The following SLC14A2 variants were observed in gnomAD, a reference collection of about 807,000 sequenced individuals.
SLC14A2 encodes the protein solute carrier family 14 member 2.
SLC14A2 carries 91 observed loss-of-function variants against 104.6 expected under a neutral mutation model. The observed-to-expected ratio is 0.87, with a 90% CI of 0.73 to 1.04. SLC14A2 has a LOEUF of 1.04. Ranked by LOEUF, SLC14A2 falls within the 50% of genes least tolerant of loss-of-function variation. The pLI is 0.00. For synonymous variants in SLC14A2, 476 were observed against 466.4 expected (o/e 1.02, Z -0.27); for missense variants, 1,189 against 1,156.0 (o/e 1.03, Z -0.41).
At chr18:45,420,613 T>C (rs1388331944) in intron 1 of SLC14A2, among the ~76,000 whole-genome samples, 1 of 152,208 alleles carries the variant, frequency 6.6e-6, no homozygotes, top group African/African-American at 2.4e-5. Flanking sequence ...ATTCCTTTAA[T>C]CTGATATAAT....
At chr18:45,232,312 A>G (rs747795742) in intron 1 of SLC14A2, among the ~76,000 whole-genome samples, 3 of 152,154 alleles carry the variant, frequency 2.0e-5, no homozygotes, top group Non-Finnish European at 2.9e-5. Context: ...GAGAAGTGCC[A>G]CACACTTTCA....
the SLC14A2 span, among the ~76,000 whole-genome samples, chr18:45,187,554 A>G: frequency 6.6e-6 from 1 of 152,112 alleles, no homozygotes; most frequent in Non-Finnish European, 1.5e-5. Flanking sequence ...TGAGAAGGAG[A>G]TAATCTTGGC....
chr18:45,200,713 C>T, the SLC14A2 span, among the ~76,000 whole-genome samples: 10 of 152,198 alleles, frequency 6.6e-5, no homozygotes, highest in East Asian at 1.9e-3. Context: ...TGTTTTCATG[C>T]ACTTAGGCTT....
chr18:45,552,015 T>C (rs1444963173), intron 2 of SLC14A2, among the ~76,000 whole-genome samples: 2 of 152,238 alleles, frequency 1.3e-5, no homozygotes, highest in Non-Finnish European at 2.9e-5. Context: ...TGAGATTTTC[T>C]TAACAAACCC....
the SLC14A2 span, among the ~76,000 whole-genome samples, chr18:45,171,363 G>A: frequency 6.6e-6 from 1 of 151,992 alleles, no homozygotes; most frequent in Non-Finnish European, 1.5e-5. Flanking sequence ...AAAAAGGAAG[G>A]TGTATAATGT....
chr18:45,482,781 T>A (rs77725763), intron 1 of SLC14A2, among the ~76,000 whole-genome samples: 11,415 of 152,150 alleles, frequency 0.075, 553 homozygotes, highest in East Asian at 0.21. Flanking sequence ...CAGCCCACAC[T>A]CAAATGGAGT....
chr18:45,554,476 A>T (rs2044102297), intron 2 of SLC14A2, among the ~76,000 whole-genome samples: 1 of 152,124 alleles, frequency 6.6e-6, no homozygotes, highest in African/African-American at 2.4e-5. Context: ...GCAGCCCCCA[A>T]ACATGGACTC....
intron 1 of SLC14A2, among the ~76,000 whole-genome samples, chr18:45,466,570 A>G (rs2087146617): frequency 6.8e-6 from 1 of 147,462 alleles, no homozygotes; most frequent in African/African-American, 2.5e-5. Flanking sequence ...TCCTAGATAG[A>G]TGGAATCACC....
chr18:45,585,879 T>C (rs573658032), intron 2 of SLC14A2, among the ~76,000 whole-genome samples: 5 of 152,320 alleles, frequency 3.3e-5, no homozygotes, highest in African/African-American at 1.2e-4. Context: ...CAGAACTGGT[T>C]ACACCCTATC....
At chr18:45,658,694 G>C (rs1194244359) in intron 10 of SLC14A2, among the ~76,000 whole-genome samples, 2 of 152,078 alleles carry the variant, frequency 1.3e-5, no homozygotes, top group Admixed American at 6.6e-5. Context: ...TCTGAAAGAA[G>C]TCACATATGA....
chr18:45,357,867 T>G (rs1371805010), intron 1 of SLC14A2, among the ~76,000 whole-genome samples: 1 of 152,030 alleles, frequency 6.6e-6, no homozygotes, highest in South Asian at 2.1e-4. Flanking sequence ...AAGCACAGAG[T>G]TTTTGGTAAC....
At chr18:45,470,771 G>A (rs1337454839) in intron 1 of SLC14A2, among the ~76,000 whole-genome samples, 3 of 151,780 alleles carry the variant, frequency 2.0e-5, no homozygotes, top group East Asian at 1.9e-4. Flanking sequence ...TGATGATGAC[G>A]ATGATGATGA....
In SLC14A2 at chr18:45,652,604, T is replaced by C. The variant is rs914731397; in HGVS notation, c.1351+8444T>C. Among the ~76,000 whole-genome samples, 4 of 152,182 alleles carry C rather than the reference T, an allele frequency of 2.6e-5. No homozygotes were observed. In the South Asian group the frequency reaches 8.3e-4, roughly 32 times the overall value. On this transcript the variant is annotated intron_variant, in intron 10 of 19. Coordinates refer to ENST00000255226, the MANE Select transcript of SLC14A2 (RefSeq NM_007163.4). ...GGTCAATGCAGGCCTCCTCCCTCTG[T>C]AAAGTTGAAAACGTAGAATTGAAGG...
intron 1 of SLC14A2, among the ~76,000 whole-genome samples, chr18:45,222,797 G>A (rs771833400): frequency 3.9e-5 from 6 of 152,150 alleles, no homozygotes; most frequent in African/African-American, 4.8e-5. Flanking sequence ...TGCTTGGATC[G>A]ACTTCCCTAG....
intron 1 of SLC14A2, among the ~76,000 whole-genome samples, chr18:45,311,350 C>T (rs2085076971): frequency 6.6e-6 from 1 of 152,166 alleles, no homozygotes; most frequent in African/African-American, 2.4e-5. Flanking sequence ...ACATTTAATC[C>T]TCTCAGTCAC....
chr18:45,584,141 C>T (rs936022435), intron 2 of SLC14A2, among the ~76,000 whole-genome samples: 1 of 152,170 alleles, frequency 6.6e-6, no homozygotes, highest in Admixed American at 6.5e-5. Context: ...CAGTGCAGGG[C>T]TAGAATCACA....
intron 2 of SLC14A2, among the ~76,000 whole-genome samples, chr18:45,487,362 A>C (rs2087627063): frequency 6.6e-6 from 1 of 152,244 alleles, no homozygotes; most frequent in South Asian, 2.1e-4. Flanking sequence ...TGAATGATGC[A>C]GAATAATCTC....
At chr18:45,357,872 G>T (rs771356342) in intron 1 of SLC14A2, among the ~76,000 whole-genome samples, 2 of 152,206 alleles carry the variant, frequency 1.3e-5, no homozygotes, top group African/African-American at 4.8e-5. Context: ...CAGAGTTTTT[G>T]GTAACCACAA....
intron 1 of SLC14A2, among the ~76,000 whole-genome samples, chr18:45,406,851 T>A (rs1174411165): frequency 6.6e-6 from 1 of 152,128 alleles, no homozygotes; most frequent in Non-Finnish European, 1.5e-5. Context: ...GCAGTAAGTC[T>A]CAACAGTGGG....
Sources: allele counts gnomAD v4.1 joint callset (sites outside exome capture counted in the v4.1 genomes callset), GRCh38; gene constraint gnomAD v4.1.1; transcripts MANE v1.5; gene names NCBI Gene and HGNC (gene_info 2026-07-23, HGNC 2026-07-21).